The following FAM184B variants were observed in gnomAD, a reference collection of about 807,000 sequenced individuals.
FAM184B encodes protein FAM184B.
A neutral mutation model predicts 135.9 loss-of-function variants in FAM184B; 111 were observed. That is an observed-to-expected ratio of 0.82 (90% CI 0.70 to 0.96). FAM184B has a LOEUF of 0.96. Among genes scored for constraint, FAM184B ranks in the 40% least tolerant of loss-of-function variants. The pLI, the probability that FAM184B is intolerant of heterozygous loss-of-function variation, is 0.00. For synonymous variants in FAM184B, 552 were observed against 524.8 expected (o/e 1.05, Z -0.71); for missense variants, 1,375 against 1,323.9 (o/e 1.04, Z -0.60).
At position 17,680,413 on chromosome 4, in the gene FAM184B, A is replaced by G. The variant is rs1450285990; in HGVS notation, c.1596+8011T>C. The stretch of plus-strand genomic sequence containing the variant: ...ACACATGTTCAATGATAATGATGAT[A>G]TAACAGAAAAAAGAACTTATTTCAT... On this transcript the variant is annotated intron_variant, in intron 7 of 17. Coordinates refer to ENST00000265018, the MANE Select transcript of FAM184B (RefSeq NM_015688.2). 2.6e-5 allele frequency among the ~76,000 whole-genome samples: 4 copies of G among 152,278 alleles called. No homozygotes were observed. In the East Asian group the frequency reaches 7.7e-4, roughly 29 times the overall value.
intron 1 of FAM184B, among the ~76,000 whole-genome samples, chr4:17,754,048 T>C (rs762908197): frequency 2.4e-4 from 37 of 152,206 alleles, no homozygotes; most frequent in South Asian, 6.2e-4. Flanking sequence ...GTAGAATTCT[T>C]AGAGGTGTTA....
chr4:17,763,391 G>A (rs1481449507), intron 1 of FAM184B, among the ~76,000 whole-genome samples: 2 of 149,286 alleles, frequency 1.3e-5, no homozygotes, highest in African/African-American at 5.1e-5. Context: ...GCTTTCAGAG[G>A]GCACACACAC....
chr4:17,650,675 G>T (rs1309954173), intron 11 of FAM184B, among the ~76,000 whole-genome samples: 3 of 152,152 alleles, frequency 2.0e-5, no homozygotes, highest in Non-Finnish European at 2.9e-5. Flanking sequence ...TTTACATGCT[G>T]CTAACTTCAG....
intron 12 of FAM184B, among the ~76,000 whole-genome samples, chr4:17,643,417 G>A (rs1715380080): frequency 1.3e-5 from 2 of 152,030 alleles, no homozygotes; most frequent in South Asian, 4.2e-4. Context: ...CCCTCCTATG[G>A]GGCAAAGGTG....
At position 17,664,674 on chromosome 4, in the gene FAM184B, G is replaced by GAA; in HGVS notation, c.1597-17_1597-16dup. The GAA allele has an allele frequency of 8.3e-6, 9 of 1,087,388 alleles. No homozygotes were observed. The highest frequency in any genetic ancestry group is 3.2e-5 in the East Asian group (1 of 31,174). 67.4% of individuals were successfully genotyped at this position (1,087,388 alleles called of 1,614,324 possible). On this transcript the variant is annotated splice_polypyrimidine_tract_variant and intron_variant, in intron 7 of 17. Transcript: ENST00000265018. ...AAGCATGGATCCTAAGGCCAAAAAA[G>GAA]AAAAAGAAAAAAAAAAAAAAGGCAA...
intron 1 of FAM184B, among the ~76,000 whole-genome samples, chr4:17,777,104 C>A (rs1189178587): frequency 6.6e-6 from 1 of 152,122 alleles, no homozygotes; most frequent in African/African-American, 2.4e-5. Context: ...AAAGTAGAAA[C>A]TCAAATGTCC....
chr4:17,669,271 G>A (rs1716119957), intron 7 of FAM184B, among the ~76,000 whole-genome samples: 1 of 151,938 alleles, frequency 6.6e-6, no homozygotes, highest in Non-Finnish European at 1.5e-5. Context: ...GGTATTTTGG[G>A]CATAAAAAAA....
chr4:17,771,271 G>C (rs1718812928), intron 1 of FAM184B, among the ~76,000 whole-genome samples: 1 of 152,156 alleles, frequency 6.6e-6, no homozygotes, highest in African/African-American at 2.4e-5. Flanking sequence ...GTGGAGAAAG[G>C]ATAGGAGGAA....
intron 8 of FAM184B, among the ~76,000 whole-genome samples, chr4:17,663,824 C>T (rs1220222179): frequency 1.3e-5 from 2 of 152,016 alleles, no homozygotes; most frequent in Admixed American, 6.6e-5. Flanking sequence ...TCATGGGGGC[C>T]GTTTCCCCCA....
chr4:17,781,342 T>G lies in FAM184B; in HGVS notation c.-43A>C. 3 of 1,478,948 alleles carry G rather than the reference T, an allele frequency of 2.0e-6. No individual in the cohort carries two copies. The highest frequency in any genetic ancestry group is 2.7e-6 in the Non-Finnish European group (3 of 1,107,424). The allele number at this position is 1,478,948 out of a possible 1,614,324, so 91.6% of individuals were successfully genotyped here. ...CACTCAGACTCTCTCGTTTTCTCCC[T>G]GCCCACCGTGTGCACGTGCGTGCGC... On this transcript the variant is annotated 5_prime_UTR_variant, in exon 1 of 18. Coordinates refer to ENST00000265018, the MANE Select transcript of FAM184B (RefSeq NM_015688.2). This position sits in a 1 kb window ranked among gnomAD's most constrained non-coding sequence, Gnocchi z 6.5.
chr4:17,658,460 G>A lies in FAM184B; in HGVS notation c.1927C>T (p.Arg643Cys), dbSNP rs753242933. 5 of 1,551,398 alleles carry A rather than the reference G, an allele frequency of 3.2e-6. No individual in the cohort carries two copies. Among genetic ancestry groups the A allele is most frequent in the East Asian group, 2.4e-5 (1 of 40,916 alleles). ...TGCTGAGTGGTCTCCTGGAGCTCAC[G>A]CTGCAGCTTCTCCCTCTCCAGGTCC... The part of the protein sequence containing the change: ...LSDLEREKLQ[R>C]ELQETTQQNH... Residue 643 changes from arginine to cysteine, a missense_variant, in exon 10 of 18, where the codon CGT becomes TGT. Transcript: ENST00000265018.
chr4:17,713,575 A>G (rs1717335849), intron 1 of FAM184B, among the ~76,000 whole-genome samples: 1 of 152,254 alleles, frequency 6.6e-6, no homozygotes, highest in African/African-American at 2.4e-5. Flanking sequence ...TAGGTGCTAT[A>G]TACACATTCA....
intron 1 of FAM184B, among the ~76,000 whole-genome samples, chr4:17,776,045 T>C (rs991117532): frequency 1.3e-5 from 2 of 152,158 alleles, no homozygotes; most frequent in Non-Finnish European, 1.5e-5. Context: ...ATTGATATAG[T>C]AAACAAATAA....
chr4:17,749,810 T>A (rs1295035064), intron 1 of FAM184B, among the ~76,000 whole-genome samples: 2 of 152,204 alleles, frequency 1.3e-5, no homozygotes, highest in Non-Finnish European at 2.9e-5. Context: ...GCATATATAT[T>A]TTAAGGTATT....
rs1344664829 is a variant in FAM184B, at chr4:17,647,806, G to A, written c.2192-15C>T. 4 of 1,547,274 alleles carry A rather than the reference G, an allele frequency of 2.6e-6. No individual in the cohort carries two copies. Among genetic ancestry groups the A allele is most frequent in the African/African-American group, 2.7e-5 (2 of 73,104 alleles). Reference sequence around the variant, plus strand: ...TCTGAGCGACTCTGGAAAAGGGAGAGCAGCAGTGAGTTAGGCGTTGGGTCT... The same window carrying A: ...TCTGAGCGACTCTGGAAAAGGGAGAACAGCAGTGAGTTAGGCGTTGGGTCT... On this transcript the variant is annotated splice_polypyrimidine_tract_variant and intron_variant, in intron 11 of 17. Transcript: ENST00000265018.
At chr4:17,693,524 C>T (rs2108958759) in intron 5 of FAM184B, 112 bp from the exon 6 acceptor site, 1 of 762,066 alleles carries the variant, frequency 1.3e-6, no homozygotes, top group Non-Finnish European at 2.1e-6. Flanking sequence ...TGTCATACAA[C>T]ACTGCAAATA....
At chr4:17,705,417 T>C (rs1370911487) in intron 4 of FAM184B, among the ~76,000 whole-genome samples, 1 of 152,236 alleles carries the variant, frequency 6.6e-6, no homozygotes, top group Non-Finnish European at 1.5e-5. Flanking sequence ...GTGTCTATTA[T>C]CATGAGATCA....
intron 1 of FAM184B, among the ~76,000 whole-genome samples, chr4:17,768,928 C>T (rs1233716623): frequency 2.0e-5 from 3 of 152,048 alleles, no homozygotes; most frequent in Admixed American, 1.3e-4. Flanking sequence ...CTCAGCCTCC[C>T]GAATAGCTGA....
chr4:17,692,878 A>G (rs1266023491), intron 6 of FAM184B, among the ~76,000 whole-genome samples: 1 of 152,222 alleles, frequency 6.6e-6, no homozygotes. Context: ...AGAAAAAAGT[A>G]TAGTCTGGAT....
Sources: gnomAD v4.1 joint callset for allele counts (sites outside exome capture counted in the v4.1 genomes callset) on GRCh38, gnomAD v4.1.1 for gene constraint, Gnocchi (gnomAD v3.1) non-coding constraint, MANE v1.5 for transcripts, NCBI Gene and HGNC (gene_info 2026-07-23, HGNC 2026-07-21) for gene names.